NELL1: variants seen among roughly 807,000 people sequenced by gnomAD.
NELL1 encodes neural EGFL like 1.
NELL1 carries 76 observed loss-of-function variants against 107.4 expected under a neutral mutation model. That is an observed-to-expected ratio of 0.71 (90% CI 0.59 to 0.86). NELL1 has a LOEUF of 0.86. NELL1 is among the 40% of genes least tolerant of loss of function. NELL1 has a pLI of 0.00. For missense variants in NELL1, 1,024 were observed against 1,005.5 expected, an observed-to-expected ratio of 1.02 and a Z score of -0.25; for synonymous variants, 353 against 341.2, an observed-to-expected ratio of 1.03 and a Z score of -0.38.
chr11:20,676,906 A>G (rs1045966565), intron 1 of NELL1, among the ~76,000 whole-genome samples: 24 of 152,086 alleles, frequency 1.6e-4, no homozygotes, highest in African/African-American at 5.8e-4. Context: ...AGATAGACAC[A>G]GCCTTTATGA....
At chr11:21,049,298 C>A (rs1218379191) in intron 12 of NELL1, among the ~76,000 whole-genome samples, 1 of 152,126 alleles carries the variant, frequency 6.6e-6, no homozygotes, top group Admixed American at 6.5e-5. Context: ...TGTTTCAGGC[C>A]TTTATAAGGG....
At chr11:21,539,151 T>C (rs578224535) in intron 16 of NELL1, among the ~76,000 whole-genome samples, 34 of 152,244 alleles carry the variant, frequency 2.2e-4, no homozygotes, top group African/African-American at 7.9e-4. Context: ...GTGACAAAGA[T>C]GTGGCTTGTC....
intron 12 of NELL1, among the ~76,000 whole-genome samples, chr11:21,090,961 C>G (rs1854507031): frequency 6.6e-6 from 1 of 152,312 alleles, no homozygotes; most frequent in South Asian, 2.1e-4. Context: ...GCCTAGGAAA[C>G]TTAACTTTTC....
intron 14 of NELL1, among the ~76,000 whole-genome samples, chr11:21,342,656 A>G (rs981944516): frequency 7.1e-6 from 1 of 141,444 alleles, no homozygotes; most frequent in African/African-American, 2.5e-5. Context: ...AAAAAAAAAA[A>G]AAGAAAAAGA....
intron 12 of NELL1, among the ~76,000 whole-genome samples, chr11:21,099,953 T>A (rs116326937): frequency 6.6e-6 from 1 of 152,148 alleles, no homozygotes; most frequent in Admixed American, 6.5e-5. Context: ...TCAATGGGAT[T>A]TCAGTATATT....
chr11:21,506,384 G>A (rs1026649803), intron 15 of NELL1, among the ~76,000 whole-genome samples: 31 of 152,188 alleles, frequency 2.0e-4, no homozygotes, highest in African/African-American at 6.8e-4. Context: ...TTGTAATGAT[G>A]TGTTTATGAC....
At chr11:21,487,247 C>A (rs1564919033) in intron 15 of NELL1, among the ~76,000 whole-genome samples, 1 of 152,090 alleles carries the variant, frequency 6.6e-6, no homozygotes, top group African/African-American at 2.4e-5. Flanking sequence ...ATAGAGGAAC[C>A]ACCATCAGAC....
At chr11:20,944,218 C>A (rs1158106769) in intron 10 of NELL1, among the ~76,000 whole-genome samples, 2 of 152,262 alleles carry the variant, frequency 1.3e-5, no homozygotes, top group East Asian at 1.9e-4. Flanking sequence ...GCCTGGAGAT[C>A]CACCCATTTT....
intron 15 of NELL1, among the ~76,000 whole-genome samples, chr11:21,490,729 G>A (rs776629140): frequency 3.6e-4 from 55 of 151,898 alleles, no homozygotes; most frequent in Non-Finnish European, 7.1e-4. Flanking sequence ...AATGGTGCTG[G>A]GAAAATTGGA....
chr11:20,784,508 G>A (rs1856915423), intron 3 of NELL1, among the ~76,000 whole-genome samples: 1 of 151,586 alleles, frequency 6.6e-6, no homozygotes, highest in African/African-American at 2.4e-5. Flanking sequence ...GAACATAAAA[G>A]TGTGTATGGG....
chr11:21,229,701 C>A (rs954148051), intron 14 of NELL1, among the ~76,000 whole-genome samples: 5 of 152,204 alleles, frequency 3.3e-5, no homozygotes, highest in Non-Finnish European at 5.9e-5. Flanking sequence ...TGGCTCTGTT[C>A]AGCTTTGCCT....
At chr11:21,313,992 G>GGC (rs1849809364) in intron 14 of NELL1, among the ~76,000 whole-genome samples, 1 of 55,578 alleles carries the variant, frequency 1.8e-5, no homozygotes, top group Non-Finnish European at 3.3e-5. Context: ...CCTACACTCT[G>GGC]CCCCCCCCCC....
At chr11:21,178,146 A>G (rs1332159928) in intron 13 of NELL1, among the ~76,000 whole-genome samples, 3 of 151,788 alleles carry the variant, frequency 2.0e-5, no homozygotes, top group Non-Finnish European at 4.4e-5. Flanking sequence ...ATTACCTAAA[A>G]TTAGTGATCT....
intron 12 of NELL1, among the ~76,000 whole-genome samples, chr11:21,031,017 A>G (rs1852942504): frequency 6.6e-6 from 1 of 152,172 alleles, no homozygotes; most frequent in Non-Finnish European, 1.5e-5. Flanking sequence ...GCCATTGTGC[A>G]CGGCTTTTCT....
chr11:21,568,332 C>A (rs191789423), intron 17 of NELL1, among the ~76,000 whole-genome samples: 1 of 151,754 alleles, frequency 6.6e-6, no homozygotes, highest in Non-Finnish European at 1.5e-5. Flanking sequence ...ACGGGACTAG[C>A]AGTTATGGTA....
intron 15 of NELL1, among the ~76,000 whole-genome samples, chr11:21,527,593 T>C (rs10741885): frequency 0.35 from 53,353 of 152,034 alleles, 10,962 homozygotes; most frequent in Non-Finnish European, 0.47. Flanking sequence ...TTGACTCACA[T>C]GATCACAAGC....
intron 12 of NELL1, among the ~76,000 whole-genome samples, chr11:20,990,988 C>A (rs1257330486): frequency 1.3e-5 from 2 of 152,168 alleles, no homozygotes; most frequent in African/African-American, 4.8e-5. Flanking sequence ...GCTCACTATT[C>A]TCCTGACCCA....
At chr11:21,364,630 G>T (rs1851171896) in intron 14 of NELL1, among the ~76,000 whole-genome samples, 1 of 151,968 alleles carries the variant, frequency 6.6e-6, no homozygotes, top group African/African-American at 2.4e-5. Context: ...TACATTTTAT[G>T]TTTCTGTTTA....
At chr11:21,251,779 A>T (rs765279117) in intron 14 of NELL1, among the ~76,000 whole-genome samples, 2 of 152,078 alleles carry the variant, frequency 1.3e-5, no homozygotes, top group Non-Finnish European at 2.9e-5. Context: ...GGAATGGATC[A>T]CCATGAAGAA....
Sources: gnomAD v4.1 joint callset for allele counts (sites outside exome capture counted in the v4.1 genomes callset) on GRCh38, gnomAD v4.1.1 for gene constraint, MANE v1.5 for transcripts, NCBI Gene and HGNC (gene_info 2026-07-23, HGNC 2026-07-21) for gene names.